Variants in DCT observed in about 807,000 individuals in gnomAD.
The protein encoded by DCT is L-dopachrome tautomerase.
In DCT, 47 loss-of-function variants were observed where a neutral mutation model predicts 53.0. That is an observed-to-expected ratio of 0.89 (90% CI 0.70 to 1.13). DCT has a LOEUF of 1.13. Ranked by LOEUF, DCT falls within the 50% of genes most tolerant of loss-of-function variation. The pLI, the probability that DCT is intolerant of heterozygous loss-of-function variation, is 0.00. For synonymous variants in DCT, 244 were observed against 237.0 expected (o/e 1.03, Z -0.27); for missense variants, 669 against 637.4 (o/e 1.05, Z -0.53).
chr13:94,459,013 A>G (rs1454876293), intron 6 of DCT, among the ~76,000 whole-genome samples: 1 of 151,878 alleles, frequency 6.6e-6, no homozygotes, highest in Non-Finnish European at 1.5e-5. Flanking sequence ...AGTAGCTGGA[A>G]CCACAGGTGC....
chr13:94,524,495 T>G, the DCT span, among the ~76,000 whole-genome samples: 1 of 152,182 alleles, frequency 6.6e-6, no homozygotes, highest in Admixed American at 6.5e-5. Context: ...CTGGAGACCC[T>G]TTAGATAGGC....
At chr13:94,469,100 A>G in intron 1 of DCT, 55 bp from the exon 2 acceptor site, 1 of 1,439,612 alleles carries the variant, frequency 6.9e-7, no homozygotes, top group South Asian at 1.2e-5. Context: ...GTTTGGAAGA[A>G]ATTTCTGAAT....
At chr13:94,469,318 C>A (rs1389244143) in intron 1 of DCT, among the ~76,000 whole-genome samples, 1 of 152,178 alleles carries the variant, frequency 6.6e-6, no homozygotes, top group African/African-American at 2.4e-5. Flanking sequence ...CCCCGAAGTC[C>A]TAGCCCCAGT....
At chr13:94,460,011 A>G in intron 6 of DCT, 80 bp downstream of exon 6, 1 of 1,402,284 alleles carries the variant, frequency 7.1e-7, no homozygotes, top group South Asian at 1.2e-5. Context: ...ATAAAACACC[A>G]TCAAACATTA....
At chr13:94,447,615 T>C (rs927747406) in intron 6 of DCT, among the ~76,000 whole-genome samples, 8 of 152,208 alleles carry the variant, frequency 5.3e-5, no homozygotes, top group African/African-American at 1.4e-4. Context: ...TGAAGGCATA[T>C]TCTCCAATCT....
At chr13:94,460,285 G>A (rs1215717770) in intron 5 of DCT, 59 bp from the exon 6 acceptor site, 1 of 1,507,182 alleles carries the variant, frequency 6.6e-7, no homozygotes, top group Non-Finnish European at 9.2e-7. Context: ...TCTCTTTTTT[G>A]TTGTTTTCAG....
At chr13:94,453,523 A>T (rs1012185250) in intron 6 of DCT, among the ~76,000 whole-genome samples, 1 of 152,182 alleles carries the variant, frequency 6.6e-6, no homozygotes, top group Non-Finnish European at 1.5e-5. Flanking sequence ...AGCAAAATGG[A>T]TCTATCTTTA....
chr13:94,476,952 G>A (rs1037923458), intron 1 of DCT, among the ~76,000 whole-genome samples: 3 of 152,110 alleles, frequency 2.0e-5, no homozygotes, highest in African/African-American at 7.2e-5. Flanking sequence ...AAAAAACTTA[G>A]AAAAGCTGGA....
chr13:94,522,318 T>C, the DCT span, among the ~76,000 whole-genome samples: 1 of 152,148 alleles, frequency 6.6e-6, no homozygotes, highest in Non-Finnish European at 1.5e-5. Flanking sequence ...AAGGAGGGAC[T>C]GACCTAGCCT....
rs1181119050 is a variant in DCT, at chr13:94,439,700, C to G, written c.*198G>C. 4.9e-6 allele frequency: 2 copies of G among 412,012 alleles called. No homozygotes were observed. The highest frequency in any genetic ancestry group is 8.6e-6 in the Non-Finnish European group (2 of 233,118). 25.5% of individuals were successfully genotyped at this position (412,012 alleles called of 1,614,324 possible). A position where few individuals can be genotyped will look rare whatever the true frequency, so the allele number is the denominator to read the frequency against. Reference sequence around the variant, plus strand: ...TTGAAGGTAGAGGTAGCCTCAAGCACTTTAGTTGGGTTTGTTAAACAAGCA... The same window carrying G: ...TTGAAGGTAGAGGTAGCCTCAAGCAGTTTAGTTGGGTTTGTTAAACAAGCA... On this transcript the variant is annotated 3_prime_UTR_variant, in exon 8 of 8. Transcript: ENST00000377028.
At chr13:94,456,822 C>CA (rs1348052970) in intron 6 of DCT, among the ~76,000 whole-genome samples, 2 of 152,178 alleles carry the variant, frequency 1.3e-5, no homozygotes, top group Non-Finnish European at 2.9e-5. Flanking sequence ...ATGAAGCCTC[C>CA]AAAAAGTCCA....
chr13:94,522,499 T>C, the DCT span, among the ~76,000 whole-genome samples: 1 of 152,164 alleles, frequency 6.6e-6, no homozygotes, highest in Non-Finnish European at 1.5e-5. Context: ...TAAATTCCCC[T>C]TTATATATAT....
rs1421161290 is a variant in DCT at position 94,473,194 on chromosome 13, CA to C, written c.296-4150del. 2.6e-5 allele frequency among the ~76,000 whole-genome samples: 4 copies of C among 152,300 alleles called. No homozygotes were observed. The East Asian group carries it at 5.8e-4, about 22-fold the overall frequency. On this transcript the variant is annotated intron_variant, in intron 1 of 7. Transcript: ENST00000377028. ...TTTCAACTTTAGGATGGTGCAAAATCAATATGCATTCAGTAGAAACTCTACT... is the reference window on the plus strand; with the variant it reads ...TTTCAACTTTAGGATGGTGCAAAATCATATGCATTCAGTAGAAACTCTACT...
chr13:94,447,653 C>T lies in DCT; in HGVS notation c.1180-4016G>A, dbSNP rs375372092. ...ACAATGCAGAAAGAGGATACTTTGACCTATGAGTCCTAAACCAATCATGAA... is the reference window on the plus strand; with the variant it reads ...ACAATGCAGAAAGAGGATACTTTGATCTATGAGTCCTAAACCAATCATGAA... On this transcript the variant is annotated intron_variant, in intron 6 of 7. Transcript: ENST00000377028. 1.8e-3 allele frequency among the ~76,000 whole-genome samples: 278 copies of T among 152,314 alleles called. 5 individuals are homozygous for T. The South Asian group carries it at 0.054, about 30-fold the overall frequency.
chr13:94,463,754 C>T (rs1185937504), intron 4 of DCT, among the ~76,000 whole-genome samples: 1 of 152,080 alleles, frequency 6.6e-6, no homozygotes, highest in East Asian at 1.9e-4. Context: ...TGAGGGTTTT[C>T]ATGAATTAGG....
chr13:94,486,469 G>C, the DCT span, among the ~76,000 whole-genome samples: 2 of 152,290 alleles, frequency 1.3e-5, no homozygotes, highest in Admixed American at 1.3e-4. Flanking sequence ...GCTCCTCCTA[G>C]CCTTGCATTA....
chr13:94,458,316 C>T (rs892874906), intron 6 of DCT, among the ~76,000 whole-genome samples: 5 of 152,174 alleles, frequency 3.3e-5, no homozygotes, highest in Admixed American at 1.3e-4. Context: ...TTTTCCAACA[C>T]CCACTGGCTG....
At chr13:94,547,984 A>AAAAGAATATATATATATATAT in the DCT span, among the ~76,000 whole-genome samples, 1 of 65,844 alleles carries the variant, frequency 1.5e-5, no homozygotes, top group African/African-American at 1.3e-4. Flanking sequence ...AAAAAAAAAA[A>AAAAGAATATATATATATATAT]ATATATATAT....
the DCT span, among the ~76,000 whole-genome samples, chr13:94,548,455 C>G: frequency 2.6e-5 from 4 of 152,084 alleles, no homozygotes; most frequent in African/African-American, 9.7e-5. Context: ...TGCTGTCCAG[C>G]AACCCGCCAC....
Sources: allele counts gnomAD v4.1 joint callset (sites outside exome capture counted in the v4.1 genomes callset), GRCh38; gene constraint gnomAD v4.1.1; transcripts MANE v1.5; gene names NCBI Gene and HGNC (gene_info 2026-07-23, HGNC 2026-07-21).